The following CEP72 variants were observed in gnomAD, a reference collection of about 807,000 sequenced individuals.
CEP72 encodes the protein centrosomal protein 72.
CEP72 carries 78 observed loss-of-function variants against 65.7 expected under a neutral mutation model. That is an observed-to-expected ratio of 1.19 (90% CI 0.99 to 1.43). The LOEUF (loss-of-function observed/expected upper bound fraction) is 1.43, where lower values mean the gene tolerates loss of function less well. Among genes scored for constraint, CEP72 ranks in the 40% most tolerant of loss-of-function variants. The pLI, the probability that CEP72 is intolerant of heterozygous loss-of-function variation, is 0.00. For missense variants in CEP72, 914 were observed against 832.9 expected, an observed-to-expected ratio of 1.10 and a Z score of -1.20; for synonymous variants, 358 against 351.7, an observed-to-expected ratio of 1.02 and a Z score of -0.20.
chr5:635,655 A>T, intron 6 of CEP72, 71 bp downstream of exon 6: 1 of 1,261,948 alleles, frequency 7.9e-7, no homozygotes. Flanking sequence ...ATTTATAAAG[A>T]ACAGAAGCTT....
rs73734337 is a variant in CEP72, at chr5:624,813, A to T, written c.512+234A>T. Among the ~76,000 whole-genome samples the T allele has an allele frequency of 3.0e-3, 453 of 152,284 alleles. 1 individual carries two copies. The highest frequency in any genetic ancestry group is 0.011 in the African/African-American group (440 of 41,552). On this transcript the variant is annotated intron_variant, in intron 4 of 11. Transcript: ENST00000264935. The surrounding 1 kb of genome is among the most constrained non-coding windows in gnomAD (Gnocchi z 4.7). ...TATCGAAACTGTTGATTAAGGTAAT[A>T]TGTGTAAAATCAACTCAGCAAAGGG...
the CEP72 span, among the ~76,000 whole-genome samples, chr5:672,584 G>A: frequency 6.6e-6 from 1 of 152,342 alleles, no homozygotes; most frequent in South Asian, 2.1e-4. Flanking sequence ...CTCGCCCAGA[G>A]GCTGGTGGTG....
intron 5 of CEP72, among the ~76,000 whole-genome samples, chr5:634,524 G>T (rs1039216183): frequency 3.3e-5 from 5 of 152,230 alleles, no homozygotes; most frequent in African/African-American, 1.2e-4. Context: ...AAAGATGTCT[G>T]CCCTGTGGCA....
At chr5:671,352 A>T (rs1179143563), downstream of CEP72, among the ~76,000 whole-genome samples, 1 of 151,790 alleles carries the variant, frequency 6.6e-6, no homozygotes, top group Non-Finnish European at 1.5e-5. Flanking sequence ...CCCCGGGCAG[A>T]TCTGAGGGGC....
intron 2 of CEP72, chr5:664,206 G>GCGAA (rs920724042): frequency 1.3e-5 from 2 of 152,704 alleles, no homozygotes; most frequent in African/African-American, 4.8e-5. Context: ...GTGAGGACGG[G>GCGAA]CGAACGGGAG....
At chr5:625,541 AG>A (rs1330558756) in intron 4 of CEP72, among the ~76,000 whole-genome samples, 1 of 152,234 alleles carries the variant, frequency 6.6e-6, no homozygotes, top group Non-Finnish European at 1.5e-5. Context: ...CAGCGCAGGC[AG>A]GGGCCCGATT....
intron 5 of CEP72, among the ~76,000 whole-genome samples, chr5:634,620 T>C (rs1453780094): frequency 6.6e-6 from 1 of 152,184 alleles, no homozygotes; most frequent in African/African-American, 2.4e-5. Flanking sequence ...GGTCTGTGTT[T>C]ATGGCTTTAA....
chr5:614,616 C>T (rs1435823129), intron 1 of CEP72, among the ~76,000 whole-genome samples: 1 of 152,044 alleles, frequency 6.6e-6, no homozygotes, highest in Non-Finnish European at 1.5e-5. Flanking sequence ...CCACCTCGGC[C>T]TCCCAAAGTG....
intron 8 of CEP72, 124 bp downstream of exon 8, chr5:639,348 G>C: frequency 8.7e-7 from 1 of 1,149,568 alleles, no homozygotes; most frequent in Non-Finnish European, 1.2e-6. Context: ...TCCCACGAGC[G>C]TGTGGTGGTC....
rs1382693313 is a variant in CEP72 at position 633,435 on chromosome 5, G to A, written c.513-334G>A. On this transcript the variant is annotated intron_variant, in intron 4 of 11. Coordinates refer to ENST00000264935, the MANE Select transcript of CEP72 (RefSeq NM_018140.4). ...GGGTGCTGTCCAGTGCCGGGATTTA[G>A]ACCAGTCCTGGTGGGGTTCTGTTCA... is the stretch of plus-strand genomic sequence containing the variant. 6.1e-5 allele frequency among the ~76,000 whole-genome samples: 9 copies of A among 147,938 alleles called. 1 individual carries two copies. In the Admixed American group the frequency reaches 6.4e-4, roughly 11 times the overall value.
chr5:629,290 T>C (rs1737046093), intron 4 of CEP72, among the ~76,000 whole-genome samples: 1 of 152,288 alleles, frequency 6.6e-6, no homozygotes, highest in African/African-American at 2.4e-5. Flanking sequence ...TTTGGAACAC[T>C]TAACTTTCTT....
intron 4 of CEP72, among the ~76,000 whole-genome samples, chr5:628,600 TC>T (rs1736944575): frequency 8.1e-6 from 1 of 123,662 alleles, no homozygotes; most frequent in African/African-American, 2.6e-5. Context: ...TTGTGCAGCT[TC>T]TGGAGAACTC....
rs113499606 is a variant in CEP72 at position 621,918 on chromosome 5, T to C, written c.403+1657T>C. Among the ~76,000 whole-genome samples the C allele has an allele frequency of 4.2e-3, 637 of 152,346 alleles. 5 individuals carry two copies. The highest frequency in any genetic ancestry group is 0.014 in the African/African-American group (595 of 41,570). On this transcript the variant is annotated intron_variant, in intron 3 of 11. Coordinates refer to ENST00000264935, the MANE Select transcript of CEP72 (RefSeq NM_018140.4). ...CCTCCCAAGTAGCTGAGATTACAGG[T>C]GCGTGCCACTGTGCCCTGCTAATTT...
chr5:648,568 T>A (rs1332305082), intron 11 of CEP72, among the ~76,000 whole-genome samples: 1 of 139,462 alleles, frequency 7.2e-6, no homozygotes, highest in African/African-American at 2.8e-5. Context: ...AGGTGTGGAC[T>A]GTGAGGTGTG....
chr5:668,832 A>G (rs1214553301), downstream of CEP72, among the ~76,000 whole-genome samples: 3 of 152,232 alleles, frequency 2.0e-5, no homozygotes, highest in Non-Finnish European at 4.4e-5. Context: ...GCACGTGGAC[A>G]GCACCCCCAC....
At chr5:637,188 C>G (rs1469909892) in intron 6 of CEP72, among the ~76,000 whole-genome samples, 1 of 152,218 alleles carries the variant, frequency 6.6e-6, no homozygotes, top group African/African-American at 2.4e-5. Context: ...GTTGTTGAAG[C>G]GTACTGCACG....
intron 1 of CEP72, chr5:662,774 C>T (rs929233316): frequency 6.6e-6 from 1 of 152,496 alleles, no homozygotes; most frequent in African/African-American, 2.4e-5. Flanking sequence ...TGGGGAGCCA[C>T]CCTGTTTGGT....
chr5:670,644 C>T (rs1471564846), downstream of CEP72, among the ~76,000 whole-genome samples: 7 of 152,126 alleles, frequency 4.6e-5, no homozygotes, highest in East Asian at 1.9e-4. Flanking sequence ...CCATCCTGCA[C>T]GTCGCTCCGA....
At position 648,330 on chromosome 5, in the gene CEP72, GGACTGTGAGGTGT is replaced by G. The variant is rs1229864585; in HGVS notation, c.1778+444_1778+456del. On this transcript the variant is annotated intron_variant, in intron 11 of 11. Coordinates refer to ENST00000264935, the MANE Select transcript of CEP72 (RefSeq NM_018140.4). Reference sequence around the variant, plus strand: ...ACTGTGAGGTATGACTGTGAGGCATGGACTGTGAGGTGTGACTGTGAGGTGTGACTGTGAGGTG... The same window carrying G: ...ACTGTGAGGTATGACTGTGAGGCATGGACTGTGAGGTGTGACTGTGAGGTG... Among the ~76,000 whole-genome samples the G allele has an allele frequency of 1.4e-3, 184 of 131,540 alleles. 1 individual carries two copies. The highest frequency in any genetic ancestry group is 0.01 in the Admixed American group (134 of 13,182). The allele number at this position is 131,540 out of a possible 152,430, so 86.3% of individuals were successfully genotyped here. A position where few individuals can be genotyped will look rare whatever the true frequency, so the allele number is the denominator to read the frequency against.
Sources: gnomAD v4.1 joint callset for allele counts (sites outside exome capture counted in the v4.1 genomes callset) on GRCh38, gnomAD v4.1.1 for gene constraint, Gnocchi (gnomAD v3.1) non-coding constraint, MANE v1.5 for transcripts, NCBI Gene and HGNC (gene_info 2026-07-23, HGNC 2026-07-21) for gene names.